Variants in RBM5 observed in about 807,000 individuals in gnomAD.
RBM5 encodes the protein RNA binding motif protein 5.
Under a neutral mutation model 124.6 loss-of-function variants are expected in RBM5, and 15 were observed. The ratio of observed to expected loss-of-function variants is 0.12; its 90% confidence interval spans 0.08 to 0.19. RBM5 has a LOEUF of 0.19. Ranked by LOEUF, RBM5 falls within the 10% of genes least tolerant of loss-of-function variation. RBM5 has a pLI of 1.00. For missense variants in RBM5, 580 were observed against 1,026.5 expected (o/e 0.57, Z 5.94); for synonymous variants, 337 against 361.2 (o/e 0.93, Z 0.76).
rs2624825 is a variant in RBM5 at position 50,117,556 on chromosome 3, G to A, written c.2322+177G>A. 0.52 allele frequency: 427,143 copies of A among 814,532 alleles called. 117,651 individuals are homozygous for A. The highest frequency in any genetic ancestry group is 0.85 in the East Asian group (29,825 of 35,064). 50.5% of individuals were successfully genotyped at this position (814,532 alleles called of 1,614,324 possible). A position where few individuals can be genotyped will look rare whatever the true frequency, so the allele number is the denominator to read the frequency against. ...AGCACTTTGGGAGGCCGAGGAGGGT[G>A]GATTGCCTGAGCCCAGAAGTTTGAG... On this transcript the variant is annotated intron_variant, in intron 24 of 24. Coordinates refer to ENST00000347869, the MANE Select transcript of RBM5 (RefSeq NM_005778.4). This position sits in a 1 kb window ranked among gnomAD's most constrained non-coding sequence, Gnocchi z 4.2.
rs201559310 is a variant in RBM5, at chr3:50,092,915, AGTT to A, written c.183+714_183+716del. On this transcript the variant is annotated intron_variant, in intron 3 of 24. Coordinates refer to ENST00000347869, the MANE Select transcript of RBM5 (RefSeq NM_005778.4). ...ATAATAATGAAAAATAATAAATATA[AGTT>A]GTTGTTTTGGTCATCTTGATATATC... 1,102 of 200,016 alleles carry A rather than the reference AGTT, an allele frequency of 5.5e-3. 19 individuals are homozygous for A. Among genetic ancestry groups the A allele is most frequent in the African/African-American group, 0.028 (1,064 of 38,170 alleles). The allele number at this position is 200,016 out of a possible 1,614,324, so 12.4% of individuals were successfully genotyped here.
At chr3:50,114,364 TGTTGATGG>T (rs1296477417) in intron 20 of RBM5, 113 bp downstream of exon 20, 1 of 1,040,974 alleles carries the variant, frequency 9.6e-7, no homozygotes, top group East Asian at 2.6e-5. Context: ...ATGTGATCAC[TGTTGATGG>T]GTATTGGAGC....
chr3:50,099,255 C>CAA (rs57080777), intron 4 of RBM5, among the ~76,000 whole-genome samples: 23 of 139,138 alleles, frequency 1.7e-4, no homozygotes, highest in South Asian at 1.1e-3. Flanking sequence ...GGCCCTGTCT[C>CAA]AAAAAAAAAA....
At chr3:50,111,054 A>G (rs1164790387) in intron 17 of RBM5, among the ~76,000 whole-genome samples, 1 of 152,240 alleles carries the variant, frequency 6.6e-6, no homozygotes, top group East Asian at 1.9e-4. Context: ...TTACATGTGT[A>G]TATACACCAC....
At chr3:50,092,846 A>G (rs1169043608) in intron 3 of RBM5, 1 of 362,776 alleles carries the variant, frequency 2.8e-6, no homozygotes, top group African/African-American at 2.1e-5. Context: ...CCCAGGAGTT[A>G]GAGGCCAGCC....
intron 15 of RBM5, among the ~76,000 whole-genome samples, 199 bp from the exon 16 acceptor site, chr3:50,110,180 C>G (rs2091117021): frequency 6.6e-6 from 1 of 152,188 alleles, no homozygotes; most frequent in Non-Finnish European, 1.5e-5. Context: ...CACTGCAGTC[C>G]AGTTTGGGCA....
intron 24 of RBM5, 105 bp from the exon 25 acceptor site, chr3:50,118,226 C>T: frequency 1.4e-6 from 2 of 1,467,974 alleles, no homozygotes; most frequent in Non-Finnish European, 1.9e-6. Flanking sequence ...AGTTTTCTCT[C>T]TTCTGTCTCC....
At chr3:50,113,245 C>G in intron 17 of RBM5, 138 bp from the exon 18 acceptor site, 1 of 761,174 alleles carries the variant, frequency 1.3e-6, no homozygotes, top group South Asian at 2.1e-5. Context: ...TTACTTATAC[C>G]AAGGTGTGCC....
chr3:50,103,987 G>C (rs750434516), intron 7 of RBM5, among the ~76,000 whole-genome samples: 12 of 152,226 alleles, frequency 7.9e-5, no homozygotes, highest in Non-Finnish European at 1.6e-4. Flanking sequence ...GCTTGCTGTA[G>C]AGTTTTCAAA....
intron 1 of RBM5, chr3:50,089,796 TA>T (rs1421303270): frequency 3.2e-5 from 5 of 154,208 alleles, no homozygotes; most frequent in African/African-American, 1.2e-4. Flanking sequence ...CAGTGGTTTG[TA>T]GTCATAAGAA....
chr3:50,109,071 C>T (rs2091093992), intron 14 of RBM5, among the ~76,000 whole-genome samples: 1 of 152,000 alleles, frequency 6.6e-6, no homozygotes, highest in Non-Finnish European at 1.5e-5. Context: ...TCTTCTCTTC[C>T]TTTTCTCTTC....
Position 50,108,096 on chromosome 3 carries a change from T to G in RBM5, c.1068T>G (p.Val356=). 1 of 1,611,142 alleles carries G rather than the reference T, an allele frequency of 6.2e-7. No homozygotes were observed. The part of the protein sequence containing the change: ...TQSQSGEGGS[V]DYSYLQPGQD... ...CTCAAAGTGGTGAAGGAGGCAGTGT[T>G]GACTACAGTTATCTGCAACCAGGTC... The change falls in exon 13 of 25, where the codon GTT becomes GTG. Residue 356 remains valine, a synonymous_variant. Transcript: ENST00000347869.
chr3:50,096,955 T>C (rs1316546819), intron 4 of RBM5, among the ~76,000 whole-genome samples: 1 of 152,026 alleles, frequency 6.6e-6, no homozygotes, highest in Non-Finnish European at 1.5e-5. Flanking sequence ...GAGCAGGGAA[T>C]AGAAAGGTAC....
At chr3:50,112,376 A>G (rs2091161043) in intron 17 of RBM5, among the ~76,000 whole-genome samples, 1 of 140,978 alleles carries the variant, frequency 7.1e-6, no homozygotes, top group African/African-American at 2.7e-5. Context: ...ATGTCGCGCC[A>G]CTGCACTCCA....
chr3:50,114,211 C>T lies in RBM5; in HGVS notation c.1799C>T (p.Pro600Leu). ...TTAGCTGAAAGGCAGCAGCTCATCC[C>T]AGAATTGGTGCGAAATGGAGATGAG... Reference protein sequence around the residue: ...GALAERQQLIPELVRNGDEEN... With the variant: ...GALAERQQLILELVRNGDEEN... Residue 600 changes from proline (P) to leucine (L), a missense_variant, in exon 20 of 25, where the codon CCA (proline) becomes CTA (leucine). Around this residue, in one of 6 missense-constraint regions of RBM5, gnomAD observed 234 missense variants for 435.1 expected, o/e 0.54. Transcript: ENST00000347869. 1 of 1,612,574 alleles carries T rather than the reference C, an allele frequency of 6.2e-7. No individual in the cohort carries two copies.
At chr3:50,106,670 TA>T (rs2109006524) in intron 10 of RBM5, 96 bp from the exon 11 acceptor site, 2 of 872,770 alleles carry the variant, frequency 2.3e-6, no homozygotes, top group Non-Finnish European at 1.8e-6. Flanking sequence ...AATTGCCTTT[TA>T]TTTTTTAATA....
At chr3:50,093,397 G>C (rs555634779) in intron 3 of RBM5, among the ~76,000 whole-genome samples, 1 of 149,128 alleles carries the variant, frequency 6.7e-6, no homozygotes, top group Non-Finnish European at 1.5e-5. Context: ...AGAGATCATC[G>C]CACCACTGCA....
At chr3:50,105,421 A>G in intron 9 of RBM5, 128 bp from the exon 10 acceptor site, 1 of 1,032,152 alleles carries the variant, frequency 9.7e-7, no homozygotes, top group East Asian at 2.4e-5. Flanking sequence ...AATCTTCTCC[A>G]TGTCAGGGTA....
At chr3:50,090,485 C>T in intron 2 of RBM5, 34 bp downstream of exon 2, 1 of 1,611,544 alleles carries the variant, frequency 6.2e-7, no homozygotes. Flanking sequence ...TTGATCTCAA[C>T]ATTTCAGTGG....
Sources: allele counts gnomAD v4.1 joint callset (sites outside exome capture counted in the v4.1 genomes callset), GRCh38; gene constraint gnomAD v4.1.1; regional missense constraint gnomAD v4.1.1; non-coding constraint Gnocchi (gnomAD v3.1); transcripts MANE v1.5; gene names NCBI Gene and HGNC (gene_info 2026-07-23, HGNC 2026-07-21).